DENND5A: variants seen among roughly 807,000 people sequenced by gnomAD.
The protein encoded by DENND5A is DENN domain-containing protein 5A.
Under a neutral mutation model 140.3 loss-of-function variants are expected in DENND5A, and 64 were observed. The observed-to-expected ratio is 0.46, with a 90% confidence interval of 0.37 to 0.56. The LOEUF is 0.56. Among genes scored for constraint, DENND5A ranks in the 20% least tolerant of loss-of-function variants. The pLI is 0.00. For synonymous variants in DENND5A, 605 were observed against 607.7 expected (o/e 1.00, Z 0.07); for missense variants, 1,292 against 1,593.8 (o/e 0.81, Z 3.22).
chr11:9,162,699 G>C (rs1848028645), intron 11 of DENND5A, among the ~76,000 whole-genome samples: 2 of 151,818 alleles, frequency 1.3e-5, no homozygotes, highest in African/African-American at 4.8e-5. Context: ...ATATGGTTTG[G>C]TTTGCCTGTA....
At chr11:9,177,392 G>A (rs917407070) in intron 8 of DENND5A, among the ~76,000 whole-genome samples, 4 of 151,932 alleles carry the variant, frequency 2.6e-5, no homozygotes, top group African/African-American at 9.6e-5. Flanking sequence ...TGGTTCATGC[G>A]CGTAATGCCA....
intron 4 of DENND5A, among the ~76,000 whole-genome samples, chr11:9,195,343 TG>T (rs1271902300): frequency 6.6e-6 from 1 of 152,218 alleles, no homozygotes; most frequent in Non-Finnish European, 1.5e-5. Flanking sequence ...CCCAAAGTGC[TG>T]GGATTACAGG....
intron 4 of DENND5A, among the ~76,000 whole-genome samples, chr11:9,198,074 C>A (rs1169526553): frequency 1.3e-5 from 2 of 152,024 alleles, no homozygotes; most frequent in Non-Finnish European, 2.9e-5. Flanking sequence ...ACAACGTAAC[C>A]AAATATTGTG....
intron 1 of DENND5A, among the ~76,000 whole-genome samples, chr11:9,217,519 T>G (rs920937533): frequency 6.6e-6 from 1 of 152,006 alleles, no homozygotes; most frequent in African/African-American, 2.4e-5. Flanking sequence ...CCGTCTCAAA[T>G]TAATTAATTA....
intron 4 of DENND5A, among the ~76,000 whole-genome samples, chr11:9,199,565 T>C (rs994726259): frequency 3.3e-5 from 5 of 152,152 alleles, no homozygotes; most frequent in African/African-American, 1.2e-4. Context: ...ACTAATTCTA[T>C]ATGGACTAAA....
intron 11 of DENND5A, among the ~76,000 whole-genome samples, chr11:9,162,039 C>CT (rs1848001302): frequency 6.6e-6 from 1 of 151,320 alleles, no homozygotes; most frequent in South Asian, 2.1e-4. Flanking sequence ...TAAGATTTAA[C>CT]TATGCTATAA....
intron 5 of DENND5A, among the ~76,000 whole-genome samples, chr11:9,188,964 G>T (rs1257707072): frequency 6.6e-6 from 1 of 152,192 alleles, no homozygotes. Context: ...CAAGACAATG[G>T]GGGTAAATGT....
chr11:9,166,223 C>T (rs1452203561), intron 10 of DENND5A, among the ~76,000 whole-genome samples: 3 of 151,906 alleles, frequency 2.0e-5, no homozygotes, highest in South Asian at 2.1e-4. Context: ...GGACTACAGG[C>T]ATGTGCCACC....
intron 16 of DENND5A, 102 bp downstream of exon 16, chr11:9,146,928 A>C: frequency 7.4e-7 from 1 of 1,354,892 alleles, no homozygotes; most frequent in Non-Finnish European, 1.0e-6. Flanking sequence ...AGAAAGTACA[A>C]GGGATAATCT....
chr11:9,208,571 C>G (rs1448923030), intron 1 of DENND5A, among the ~76,000 whole-genome samples: 5 of 152,168 alleles, frequency 3.3e-5, no homozygotes, highest in Non-Finnish European at 7.3e-5. Flanking sequence ...AATAATAATT[C>G]CAGTCAGAAA....
chr11:9,252,902 T>C (rs1190225785), intron 1 of DENND5A, among the ~76,000 whole-genome samples: 1 of 149,226 alleles, frequency 6.7e-6, no homozygotes, highest in Non-Finnish European at 1.5e-5. Context: ...CAGGCTGGAG[T>C]GCAGTGGCAC....
At chr11:9,200,914 C>T (rs1849499672) in intron 4 of DENND5A, among the ~76,000 whole-genome samples, 1 of 152,180 alleles carries the variant, frequency 6.6e-6, no homozygotes, top group Admixed American at 6.5e-5. Context: ...TATATACCAG[C>T]CACAGTTTTA....
intron 4 of DENND5A, among the ~76,000 whole-genome samples, chr11:9,197,791 T>G (rs1013070812): frequency 3.9e-5 from 6 of 152,178 alleles, no homozygotes; most frequent in Admixed American, 2.6e-4. Context: ...TCATTAAGGA[T>G]ACACAAAAAA....
At chr11:9,140,292 TGAAG>T in intron 22 of DENND5A, 2 of 1,092,282 alleles carry the variant, frequency 1.8e-6, no homozygotes, top group African/African-American at 1.6e-5. Context: ...ACTTTATAGA[TGAAG>T]AAAGTAGGGT....
intron 1 of DENND5A, among the ~76,000 whole-genome samples, chr11:9,213,638 T>C (rs997189686): frequency 3.3e-5 from 5 of 150,690 alleles, no homozygotes; most frequent in African/African-American, 1.2e-4. Flanking sequence ...TGAAAACCCA[T>C]CTCTACTAAA....
rs1430422220 is a variant in DENND5A, at chr11:9,165,905, G to C, written c.2214C>G (p.Leu738=). 2 of 1,614,042 alleles carry C rather than the reference G, an allele frequency of 1.2e-6. No individual in the cohort carries two copies. The highest frequency in any genetic ancestry group is 1.7e-6 in the Non-Finnish European group (2 of 1,179,996). ...STIRQPKLSN[L]SPSVIAQTNW... The stretch of plus-strand genomic sequence containing the variant: ...TGGTCTGGGCAATCACTGATGGAGA[G>C]AGGTTGGACAGTTTGGGCTGGCGGA... The change falls in exon 11 of 23, where the codon CTC becomes CTG. Residue 738 remains leucine (L), a synonymous_variant. Transcript: ENST00000328194.
chr11:9,235,035 T>C (rs1850943748), intron 1 of DENND5A, among the ~76,000 whole-genome samples: 1 of 152,124 alleles, frequency 6.6e-6, no homozygotes. Flanking sequence ...ACATTGCTAG[T>C]GAGAATGTAA....
At chr11:9,197,513 T>G (rs1849373181) in intron 4 of DENND5A, among the ~76,000 whole-genome samples, 2 of 151,464 alleles carry the variant, frequency 1.3e-5, no homozygotes, top group Middle Eastern at 6.8e-3. Context: ...CTGGCCAACA[T>G]GGCAAATCCC....
intron 1 of DENND5A, among the ~76,000 whole-genome samples, chr11:9,210,637 G>C (rs1382847701): frequency 6.6e-6 from 1 of 152,156 alleles, no homozygotes; most frequent in African/African-American, 2.4e-5. Flanking sequence ...TCAACCTCCT[G>C]AGCTCAGGCT....
Sources: gnomAD v4.1 joint callset for allele counts (sites outside exome capture counted in the v4.1 genomes callset) on GRCh38, gnomAD v4.1.1 for gene constraint, MANE v1.5 for transcripts, NCBI Gene and HGNC (gene_info 2026-07-23, HGNC 2026-07-21) for gene names.